The following ULK4 variants were observed in gnomAD, a reference collection of about 807,000 sequenced individuals.
ULK4 encodes inactive serine/threonine-protein kinase ULK4.
A neutral mutation model predicts 160.6 loss-of-function variants in ULK4; 133 were observed. The observed-to-expected ratio is 0.83, with a 90% CI of 0.72 to 0.96. The LOEUF (loss-of-function observed/expected upper bound fraction) is 0.96, where lower values mean the gene tolerates loss of function less well. Among genes scored for constraint, ULK4 ranks in the 40% least tolerant of loss-of-function variants. The pLI is 0.00. For missense variants in ULK4, 1,580 were observed against 1,499.5 expected (o/e 1.05, Z -0.89); for synonymous variants, 534 against 539.8 (o/e 0.99, Z 0.15).
At chr3:41,947,363 G>A (rs958759684) in intron 2 of ULK4, among the ~76,000 whole-genome samples, 2 of 152,184 alleles carry the variant, frequency 1.3e-5, no homozygotes, top group South Asian at 4.1e-4. Flanking sequence ...GGAAAGTACT[G>A]AGGAGGACTG....
chr3:41,585,495 T>C (rs1440653829), intron 31 of ULK4, among the ~76,000 whole-genome samples: 1 of 152,168 alleles, frequency 6.6e-6, no homozygotes, highest in Non-Finnish European at 1.5e-5. Flanking sequence ...AACTTTTACC[T>C]TATACCATAT....
At chr3:41,669,917 T>A (rs1408306697) in intron 29 of ULK4, among the ~76,000 whole-genome samples, 1 of 152,040 alleles carries the variant, frequency 6.6e-6, no homozygotes, top group Non-Finnish European at 1.5e-5. Context: ...ACTAAGTAAA[T>A]CTCACCAGGA....
chr3:41,302,124 T>G (rs574181327), intron 35 of ULK4, among the ~76,000 whole-genome samples: 1 of 152,236 alleles, frequency 6.6e-6, no homozygotes. Context: ...ACAGATGTAT[T>G]GAAAGGTGTT....
At chr3:41,578,378 C>T (rs1379860943) in intron 31 of ULK4, among the ~76,000 whole-genome samples, 1 of 152,146 alleles carries the variant, frequency 6.6e-6, no homozygotes, top group Non-Finnish European at 1.5e-5. Flanking sequence ...ATCAGCTTAC[C>T]TTTTCTTAGA....
At chr3:41,322,891 T>G (rs2080270987) in intron 35 of ULK4, among the ~76,000 whole-genome samples, 1 of 152,154 alleles carries the variant, frequency 6.6e-6, no homozygotes, top group Non-Finnish European at 1.5e-5. Flanking sequence ...AGGGAAAGAC[T>G]TCTTAAGCAA....
chr3:41,416,472 T>C (rs2125831888), intron 34 of ULK4, among the ~76,000 whole-genome samples: 1 of 152,300 alleles, frequency 6.6e-6, no homozygotes, highest in South Asian at 2.1e-4. Context: ...AAAGGCCTCT[T>C]TGAAGCATTT....
chr3:41,363,928 C>CTT (rs201380727), intron 35 of ULK4, among the ~76,000 whole-genome samples: 31 of 135,300 alleles, frequency 2.3e-4, no homozygotes, highest in African/African-American at 7.9e-4. Flanking sequence ...TCCAAATTCT[C>CTT]TCTCTTTTTT....
At chr3:41,834,369 C>T (rs1223586754) in intron 18 of ULK4, among the ~76,000 whole-genome samples, 2 of 152,174 alleles carry the variant, frequency 1.3e-5, no homozygotes, top group East Asian at 3.9e-4. Context: ...AATCAATACA[C>T]AGATTCAGTA....
chr3:41,627,100 A>G (rs983282906), intron 30 of ULK4, among the ~76,000 whole-genome samples: 30 of 152,282 alleles, frequency 2.0e-4, no homozygotes, highest in Admixed American at 7.2e-4. Context: ...CTTTCCTTTA[A>G]AATTTAAAAC....
intron 32 of ULK4, among the ~76,000 whole-genome samples, chr3:41,562,037 TC>T (rs1353910893): frequency 6.6e-6 from 1 of 152,242 alleles, no homozygotes; most frequent in Non-Finnish European, 1.5e-5. Flanking sequence ...TTTTAATGTG[TC>T]CCAGAGATTC....
chr3:41,290,749 C>T (rs144707009), intron 35 of ULK4, among the ~76,000 whole-genome samples: 80 of 152,312 alleles, frequency 5.3e-4, no homozygotes, highest in South Asian at 1.0e-3. Flanking sequence ...CTGTGGTACA[C>T]GTATGCTCAT....
intron 32 of ULK4, among the ~76,000 whole-genome samples, chr3:41,512,870 C>A (rs1348588603): frequency 6.6e-6 from 1 of 152,122 alleles, no homozygotes; most frequent in African/African-American, 2.4e-5. Context: ...TACCCAACTT[C>A]AAACTATACT....
intron 22 of ULK4, among the ~76,000 whole-genome samples, chr3:41,735,866 A>G (rs1262022198): frequency 5.4e-4 from 51 of 95,196 alleles, no homozygotes; most frequent in African/African-American, 2.1e-3. Context: ...AACAGTCCCC[A>G]GAGTGTGATG....
chr3:41,500,512 C>A (rs961786197), intron 32 of ULK4, among the ~76,000 whole-genome samples: 2 of 152,220 alleles, frequency 1.3e-5, no homozygotes, highest in Non-Finnish European at 2.9e-5. Context: ...TAGTGGGAGG[C>A]AACCTTTCTT....
At chr3:41,690,327 A>G (rs906738941) in intron 27 of ULK4, among the ~76,000 whole-genome samples, 139 of 151,514 alleles carry the variant, frequency 9.2e-4, no homozygotes, top group Non-Finnish European at 1.8e-3. Context: ...GCTTTAGGAG[A>G]TATACCTAAT....
chr3:41,354,007 C>T (rs2080977608), intron 35 of ULK4, among the ~76,000 whole-genome samples: 1 of 152,174 alleles, frequency 6.6e-6, no homozygotes, highest in Admixed American at 6.5e-5. Context: ...TGGGGCTCCA[C>T]TGTCCCATGA....
intron 31 of ULK4, among the ~76,000 whole-genome samples, chr3:41,574,667 A>G (rs1459486702): frequency 6.7e-6 from 1 of 148,268 alleles, no homozygotes; most frequent in African/African-American, 2.5e-5. Flanking sequence ...TCAGCCTCCC[A>G]AGTAGCTGGG....
At chr3:41,876,756 C>G (rs1354519959) in intron 17 of ULK4, among the ~76,000 whole-genome samples, 1 of 152,068 alleles carries the variant, frequency 6.6e-6, no homozygotes, top group Non-Finnish European at 1.5e-5. Context: ...AAGCCAGATA[C>G]CAAAGTATAC....
chr3:41,888,937 G>C (rs1302784748), intron 16 of ULK4, among the ~76,000 whole-genome samples: 1 of 152,104 alleles, frequency 6.6e-6, no homozygotes, highest in Non-Finnish European at 1.5e-5. Context: ...ATTTAAAGGA[G>C]AGGCTATTGG....
Sources: allele counts gnomAD v4.1 joint callset (sites outside exome capture counted in the v4.1 genomes callset), GRCh38; gene constraint gnomAD v4.1.1; transcripts MANE v1.5; gene names NCBI Gene and HGNC (gene_info 2026-07-23, HGNC 2026-07-21).